The following DPP6 variants were observed in gnomAD, a reference collection of about 807,000 sequenced individuals.
DPP6 encodes A-type potassium channel modulatory protein DPP6.
DPP6 carries 69 observed loss-of-function variants against 122.6 expected under a neutral mutation model. That is an observed-to-expected ratio of 0.56 (90% CI 0.46 to 0.69). The LOEUF (loss-of-function observed/expected upper bound fraction) is 0.69, where lower values mean the gene tolerates loss of function less well. DPP6 is among the 30% of genes least tolerant of loss of function. DPP6 has a pLI of 0.00. For synonymous variants in DPP6, 418 were observed against 433.1 expected (o/e 0.97, Z 0.43); for missense variants, 928 against 1,116.9 (o/e 0.83, Z 2.41).
At chr7:154,738,239 GC>G (rs1054690853) in intron 8 of DPP6, among the ~76,000 whole-genome samples, 2 of 152,058 alleles carry the variant, frequency 1.3e-5, no homozygotes, top group Admixed American at 6.6e-5. Context: ...CATCTCCAGG[GC>G]CCCCCCAGCA....
At chr7:153,899,126 T>A (rs965718208) in intron 1 of DPP6, among the ~76,000 whole-genome samples, 1 of 151,822 alleles carries the variant, frequency 6.6e-6, no homozygotes, top group African/African-American at 2.4e-5. Flanking sequence ...CTCTCTCTCC[T>A]CCTCCTCCTT....
intron 1 of DPP6, among the ~76,000 whole-genome samples, chr7:154,165,011 T>C (rs1585529875): frequency 6.6e-6 from 1 of 151,180 alleles, no homozygotes; most frequent in African/African-American, 2.5e-5. Context: ...TAAAGTTTTT[T>C]TTCTTTTATT....
upstream of DPP6, among the ~76,000 whole-genome samples, chr7:154,051,553 A>G: frequency 7.6e-6 from 1 of 131,188 alleles, no homozygotes; most frequent in Non-Finnish European, 1.6e-5. Context: ...GCGGCTGGGC[A>G]GGAGGCAAGC....
chr7:154,336,158 G>A (rs962524607), intron 1 of DPP6, among the ~76,000 whole-genome samples: 15 of 152,168 alleles, frequency 9.9e-5, no homozygotes, highest in African/African-American at 2.4e-4. Context: ...GAAATGCAGC[G>A]TGGCACACAG....
chr7:154,279,420 A>T (rs1054885767), intron 1 of DPP6, among the ~76,000 whole-genome samples: 1 of 152,148 alleles, frequency 6.6e-6, no homozygotes, highest in Non-Finnish European at 1.5e-5. Flanking sequence ...ATATTCTAGG[A>T]CTACCCTTGG....
chr7:154,663,759 A>G (rs1213249614), intron 6 of DPP6, among the ~76,000 whole-genome samples: 1 of 103,550 alleles, frequency 9.7e-6, no homozygotes, highest in African/African-American at 3.1e-5. Flanking sequence ...GTGTTCATAT[A>G]GTCATGGTGA....
chr7:153,813,045 T>A, the DPP6 span, among the ~76,000 whole-genome samples: 1 of 151,976 alleles, frequency 6.6e-6, no homozygotes, highest in Non-Finnish European at 1.5e-5. Flanking sequence ...ATACTTTAAG[T>A]TTTAGGGTAC....
chr7:154,347,371 C>G (rs1053519249), intron 1 of DPP6, among the ~76,000 whole-genome samples: 1 of 152,196 alleles, frequency 6.6e-6, no homozygotes, highest in Non-Finnish European at 1.5e-5. Context: ...GTTTTCAGAA[C>G]ATTAAAAGAT....
intron 7 of DPP6, among the ~76,000 whole-genome samples, chr7:154,672,897 A>G (rs1838656465): frequency 6.6e-6 from 1 of 152,184 alleles, no homozygotes; most frequent in South Asian, 2.1e-4. Flanking sequence ...CAGACAGTAT[A>G]GACAAGATGG....
At chr7:154,743,393 A>G (rs758191951) in intron 8 of DPP6, among the ~76,000 whole-genome samples, 2 of 152,222 alleles carry the variant, frequency 1.3e-5, no homozygotes, top group South Asian at 2.1e-4. Flanking sequence ...CAGATGGTGC[A>G]AGGACAGGAG....
intron 1 of DPP6, among the ~76,000 whole-genome samples, chr7:154,144,566 TGGG>T (rs1474160413): frequency 6.7e-6 from 1 of 148,712 alleles, no homozygotes; most frequent in African/African-American, 2.4e-5. Context: ...GTCAATGAAA[TGGG>T]GGGAGAGTCA....
the DPP6 span, among the ~76,000 whole-genome samples, chr7:153,876,404 TCACACA>T: frequency 8.0e-5 from 12 of 150,466 alleles, no homozygotes; most frequent in Middle Eastern, 3.4e-3. Context: ...TGAAAACAAA[TCACACA>T]CACACACACA....
At chr7:153,871,542 C>A in the DPP6 span, among the ~76,000 whole-genome samples, 1 of 152,190 alleles carries the variant, frequency 6.6e-6, no homozygotes, top group African/African-American at 2.4e-5. Flanking sequence ...TTTCCAGGTG[C>A]CGTCTGTCAC....
intron 4 of DPP6, among the ~76,000 whole-genome samples, chr7:154,557,356 C>T (rs1005211612): frequency 6.6e-6 from 1 of 152,156 alleles, no homozygotes; most frequent in East Asian, 1.9e-4. Flanking sequence ...GAATGTGACC[C>T]GGACTAATTT....
the DPP6 span, among the ~76,000 whole-genome samples, chr7:153,755,845 C>T: frequency 1.3e-5 from 2 of 152,122 alleles, no homozygotes; most frequent in African/African-American, 4.8e-5. Flanking sequence ...TTTTTATTTT[C>T]TCTTCTCTTT....
chr7:154,350,442 G>C (rs1277349165), intron 1 of DPP6, among the ~76,000 whole-genome samples: 2 of 152,170 alleles, frequency 1.3e-5, no homozygotes, highest in African/African-American at 4.8e-5. Context: ...CTTGTGTGTG[G>C]TATGGCGTGC....
At chr7:153,748,210 C>G in the DPP6 span, among the ~76,000 whole-genome samples, 3 of 152,114 alleles carry the variant, frequency 2.0e-5, no homozygotes, top group Non-Finnish European at 4.4e-5. Context: ...TCCTCCTCCG[C>G]CCACTCCACT....
chr7:154,630,702 C>T (rs1335891209), intron 5 of DPP6, among the ~76,000 whole-genome samples: 1 of 152,130 alleles, frequency 6.6e-6, no homozygotes, highest in South Asian at 2.1e-4. Context: ...CCAAACACCA[C>T]ATGTTCTCAT....
At chr7:154,392,668 T>G (rs1413010049) in intron 1 of DPP6, among the ~76,000 whole-genome samples, 1 of 152,208 alleles carries the variant, frequency 6.6e-6, no homozygotes, top group Non-Finnish European at 1.5e-5. Flanking sequence ...CTCAGTTAAT[T>G]AGAAAATTAA....
Sources: gnomAD v4.1 joint callset for allele counts (sites outside exome capture counted in the v4.1 genomes callset) on GRCh38, gnomAD v4.1.1 for gene constraint, MANE v1.5 for transcripts, NCBI Gene and HGNC (gene_info 2026-07-23, HGNC 2026-07-21) for gene names.